TYW1B: variants seen among roughly 807,000 people sequenced by gnomAD.
TYW1B encodes tRNA-yW synthesizing protein 1 homolog B, also known as S-adenosyl-L-methionine-dependent tRNA 4-demethylwyosine synthase TYW1B.
A neutral mutation model predicts 86.9 loss-of-function variants in TYW1B; 73 were observed. That is an observed-to-expected ratio of 0.84 (90% CI 0.70 to 1.02). The LOEUF (loss-of-function observed/expected upper bound fraction) is 1.02. Among genes scored for constraint, TYW1B ranks in the 50% least tolerant of loss-of-function variants. The pLI is 0.00. For missense variants in TYW1B, 637 were observed against 827.4 expected (o/e 0.77, Z 2.82); for synonymous variants, 248 against 292.8 (o/e 0.85, Z 1.56).
At chr7:72,686,751 T>C (rs1312238811) in intron 11 of TYW1B, among the ~76,000 whole-genome samples, 1 of 152,138 alleles carries the variant, frequency 6.6e-6, no homozygotes, top group Non-Finnish European at 1.5e-5. Flanking sequence ...TTATAATAAA[T>C]GTGCCACTCT....
chr7:72,817,160 T>C (rs1788739894), intron 2 of TYW1B, among the ~76,000 whole-genome samples: 1 of 152,000 alleles, frequency 6.6e-6, no homozygotes, highest in South Asian at 2.1e-4. Context: ...TCCCAACACT[T>C]TGGGAAGCCA....
chr7:72,658,898 T>G lies in TYW1B; in HGVS notation c.1507-29901A>C, dbSNP rs1813267053. On this transcript the variant is annotated intron_variant, in intron 11 of 13. Transcript: ENST00000620995. ...ACAACACCCAGCTAATTTTTGTATT[T>G]TTAGTAGAGATGGGGCTTTGCAATG... Among the ~76,000 whole-genome samples, 6 of 152,100 alleles carry G rather than the reference T, an allele frequency of 3.9e-5. No individual in the cohort carries two copies. In the South Asian group the frequency reaches 1.2e-3, roughly 32 times the overall value.
chr7:72,789,148 T>C (rs1259513382), intron 6 of TYW1B, among the ~76,000 whole-genome samples: 2 of 151,344 alleles, frequency 1.3e-5, no homozygotes, highest in Non-Finnish European at 2.9e-5. Context: ...GACGTGAATT[T>C]ATTTTGAGAC....
intron 11 of TYW1B, among the ~76,000 whole-genome samples, chr7:72,658,874 C>A (rs1287725247): frequency 6.6e-6 from 1 of 152,098 alleles, no homozygotes; most frequent in Non-Finnish European, 1.5e-5. Context: ...ACGTGCACCA[C>A]AACACCCAGC....
At chr7:72,597,782 A>G (rs1811572406) in intron 13 of TYW1B, among the ~76,000 whole-genome samples, 1 of 152,186 alleles carries the variant, frequency 6.6e-6, no homozygotes, top group Admixed American at 6.5e-5. Flanking sequence ...ACAAAAAATG[A>G]TTCAAGGAGA....
chr7:72,622,910 T>G (rs2129568566), intron 12 of TYW1B, among the ~76,000 whole-genome samples: 1 of 152,216 alleles, frequency 6.6e-6, no homozygotes, highest in Middle Eastern at 3.4e-3. Context: ...ATGACGCCAC[T>G]CCCGCATTTA....
rs782055508 is a variant in TYW1B, at chr7:72,807,217, A to C, written c.572T>G (p.Ile191Ser). ...ANFRAWKTKF[I>S]SQLQALQKGE... Reference sequence around the variant, plus strand: ...TTTCTGAAGTGCCTGCAGCTGGGAGATGAACTTGGTCTTCCATGCTCTGAA... The same window carrying C: ...TTTCTGAAGTGCCTGCAGCTGGGAGCTGAACTTGGTCTTCCATGCTCTGAA... Residue 191 changes from isoleucine to serine, a missense_variant, in exon 5 of 14, where the codon ATC (isoleucine) becomes AGC (serine). Transcript: ENST00000620995. 1 of 1,613,932 alleles carries C rather than the reference A, an allele frequency of 6.2e-7. No individual in the cohort carries two copies. The highest frequency in any genetic ancestry group is 1.3e-5 in the African/African-American group (1 of 74,884).
At chr7:72,749,386 T>C (rs1366764263) in intron 7 of TYW1B, among the ~76,000 whole-genome samples, 4 of 152,084 alleles carry the variant, frequency 2.6e-5, no homozygotes, top group African/African-American at 2.4e-5. Flanking sequence ...CTCTGCCTCT[T>C]GGGTTCACGC....
intron 11 of TYW1B, among the ~76,000 whole-genome samples, chr7:72,632,333 AC>A (rs1331530501): frequency 2.7e-5 from 3 of 110,248 alleles, no homozygotes; most frequent in Admixed American, 1.1e-4. Context: ...ATATATATAT[AC>A]ACGTATATAT....
chr7:72,577,740 G>A (rs1811057157), intron 13 of TYW1B, among the ~76,000 whole-genome samples: 1 of 152,180 alleles, frequency 6.6e-6, no homozygotes, highest in African/African-American at 2.4e-5. Context: ...TGTGCCGACA[G>A]CAGAATTGAT....
At chr7:72,724,816 A>C (rs1253004605) in intron 9 of TYW1B, among the ~76,000 whole-genome samples, 1 of 152,156 alleles carries the variant, frequency 6.6e-6, no homozygotes, top group African/African-American at 2.4e-5. Flanking sequence ...TTAAGAATGA[A>C]ATTGGTGGCA....
intron 11 of TYW1B, among the ~76,000 whole-genome samples, chr7:72,659,053 C>T (rs1813270903): frequency 1.3e-5 from 2 of 152,150 alleles, no homozygotes; most frequent in Admixed American, 1.3e-4. Context: ...ATGCATTCAG[C>T]ATGTATTACC....
intron 8 of TYW1B, among the ~76,000 whole-genome samples, chr7:72,732,271 G>T (rs3015866): frequency 2.6e-5 from 4 of 151,362 alleles, no homozygotes; most frequent in South Asian, 2.1e-4. Flanking sequence ...TTAAACCATA[G>T]GACAAACTGA....
intron 13 of TYW1B, among the ~76,000 whole-genome samples, chr7:72,584,509 G>A (rs1460586457): frequency 6.6e-6 from 1 of 151,044 alleles, no homozygotes; most frequent in African/African-American, 2.4e-5. Flanking sequence ...AGGCTAGAGT[G>A]CAGTGGCACA....
chr7:72,587,103 G>C (rs1554430610), intron 13 of TYW1B, among the ~76,000 whole-genome samples: 1 of 152,150 alleles, frequency 6.6e-6, no homozygotes, highest in Non-Finnish European at 1.5e-5. Flanking sequence ...CACAGAGCAG[G>C]GGGAGTACTG....
At chr7:72,751,187 G>C (rs577173275) in intron 7 of TYW1B, among the ~76,000 whole-genome samples, 2 of 152,160 alleles carry the variant, frequency 1.3e-5, no homozygotes, top group African/African-American at 4.8e-5. Flanking sequence ...ACAGGTGTGC[G>C]TCAGCACACC....
intron 7 of TYW1B, among the ~76,000 whole-genome samples, chr7:72,758,318 C>T (rs146995221): frequency 2.6e-5 from 4 of 152,098 alleles, no homozygotes; most frequent in Non-Finnish European, 4.4e-5. Context: ...TCAAGTGCAG[C>T]ATAACAAGAC....
chr7:72,701,940 G>A (rs1213330747), intron 10 of TYW1B, among the ~76,000 whole-genome samples: 5 of 152,142 alleles, frequency 3.3e-5, no homozygotes, highest in African/African-American at 4.8e-5. Context: ...CTGCTTACTC[G>A]GTAAGAACCA....
intron 8 of TYW1B, among the ~76,000 whole-genome samples, chr7:72,734,685 G>T (rs374318927): frequency 2.0e-5 from 3 of 152,148 alleles, no homozygotes; most frequent in East Asian, 1.9e-4. Context: ...CAGAATGACA[G>T]AAGATATTTC....
Sources: gnomAD v4.1 joint callset for allele counts (sites outside exome capture counted in the v4.1 genomes callset) on GRCh38, gnomAD v4.1.1 for gene constraint, MANE v1.5 for transcripts, NCBI Gene and HGNC (gene_info 2026-07-23, HGNC 2026-07-21) for gene names.